The following ERBB4 variants were observed in gnomAD, a reference collection of about 807,000 sequenced individuals.
The protein encoded by ERBB4 is receptor tyrosine-protein kinase erbB-4.
A neutral mutation model predicts 158.0 loss-of-function variants in ERBB4; 42 were observed. The observed-to-expected ratio is 0.27, with a 90% CI of 0.21 to 0.34. ERBB4 has a LOEUF of 0.34. Ranked by LOEUF, ERBB4 falls within the 10% of genes least tolerant of loss-of-function variation. The pLI, the probability that ERBB4 is intolerant of heterozygous loss-of-function variation, is 1.00. For missense variants in ERBB4, 1,333 were observed against 1,624.1 expected, an observed-to-expected ratio of 0.82 and a Z score of 3.08; for synonymous variants, 583 against 558.7, an observed-to-expected ratio of 1.04 and a Z score of -0.61.
chr2:212,304,395 A>G (rs937416826), intron 1 of ERBB4, among the ~76,000 whole-genome samples: 7 of 151,568 alleles, frequency 4.6e-5, no homozygotes, highest in Non-Finnish European at 7.4e-5. Context: ...TCCACACACT[A>G]AAGTCAACAT....
At chr2:211,700,833 T>A (rs1334025826) in intron 12 of ERBB4, among the ~76,000 whole-genome samples, 1 of 152,148 alleles carries the variant, frequency 6.6e-6, no homozygotes, top group Admixed American at 6.5e-5. Flanking sequence ...GGTTCTGCCT[T>A]TTAGAATGGA....
chr2:212,393,737 C>T (rs1049360470), intron 1 of ERBB4, among the ~76,000 whole-genome samples: 1 of 152,022 alleles, frequency 6.6e-6, no homozygotes, highest in Non-Finnish European at 1.5e-5. Flanking sequence ...TCAAAAATTT[C>T]CCTAAAAATG....
At chr2:211,660,663 T>C (rs2071392664) in intron 15 of ERBB4, among the ~76,000 whole-genome samples, 1 of 152,068 alleles carries the variant, frequency 6.6e-6, no homozygotes, top group Admixed American at 6.6e-5. Context: ...AAGGCATGAG[T>C]ATAATGATCA....
At chr2:211,408,989 C>T (rs908665341) in intron 25 of ERBB4, among the ~76,000 whole-genome samples, 7 of 152,172 alleles carry the variant, frequency 4.6e-5, no homozygotes, top group African/African-American at 1.7e-4. Context: ...AATAGTACTT[C>T]GTAGTCTAGA....
At chr2:211,680,142 GTGTTATCTCTA>G (rs1380075743) in intron 12 of ERBB4, among the ~76,000 whole-genome samples, 2 of 152,260 alleles carry the variant, frequency 1.3e-5, no homozygotes, top group African/African-American at 2.4e-5. Flanking sequence ...ATAGTCTTTA[GTGTTATCTCTA>G]TGTTATCTCT....
chr2:212,351,462 T>C (rs2089248851), intron 1 of ERBB4, among the ~76,000 whole-genome samples: 1 of 152,186 alleles, frequency 6.6e-6, no homozygotes, highest in Non-Finnish European at 1.5e-5. Flanking sequence ...AATGAATTTC[T>C]GAGTTGCTTC....
intron 1 of ERBB4, among the ~76,000 whole-genome samples, chr2:212,267,010 G>A (rs921095077): frequency 4.0e-5 from 6 of 151,898 alleles, no homozygotes; most frequent in East Asian, 1.9e-4. Flanking sequence ...TTTGAAATCT[G>A]AATTGAGCAG....
intron 1 of ERBB4, among the ~76,000 whole-genome samples, chr2:212,422,893 C>G (rs1202399860): frequency 6.6e-6 from 1 of 152,134 alleles, no homozygotes; most frequent in Non-Finnish European, 1.5e-5. Flanking sequence ...TCCTTTCAGA[C>G]CTTACATCAT....
chr2:212,288,590 C>T (rs2086089956), intron 1 of ERBB4, among the ~76,000 whole-genome samples: 1 of 152,132 alleles, frequency 6.6e-6, no homozygotes, highest in Non-Finnish European at 1.5e-5. Flanking sequence ...AGGTGGAAAA[C>T]TGGCTAGCCG....
intron 3 of ERBB4, among the ~76,000 whole-genome samples, chr2:211,896,425 G>C (rs1171264443): frequency 6.6e-6 from 1 of 152,036 alleles, no homozygotes; most frequent in Non-Finnish European, 1.5e-5. Flanking sequence ...TCTTTTCCCT[G>C]TAAAGTAGAG....
At chr2:212,408,382 G>A (rs2091408851) in intron 1 of ERBB4, among the ~76,000 whole-genome samples, 1 of 152,046 alleles carries the variant, frequency 6.6e-6, no homozygotes, top group Non-Finnish European at 1.5e-5. Flanking sequence ...TGAGGATAAT[G>A]GCTATTATTT....
intron 20 of ERBB4, among the ~76,000 whole-genome samples, chr2:211,434,580 T>G (rs1178747317): frequency 1.3e-5 from 2 of 152,184 alleles, no homozygotes; most frequent in African/African-American, 4.8e-5. Flanking sequence ...CTGCACAGAC[T>G]GACACTCTAA....
chr2:212,067,829 C>G (rs977630980), intron 2 of ERBB4, among the ~76,000 whole-genome samples: 12 of 152,094 alleles, frequency 7.9e-5, no homozygotes, highest in African/African-American at 2.4e-4. Flanking sequence ...ATAAGTAGTT[C>G]CTGCGGGTAA....
intron 3 of ERBB4, among the ~76,000 whole-genome samples, chr2:211,916,660 A>G (rs2079700431): frequency 6.6e-6 from 1 of 152,140 alleles, no homozygotes; most frequent in East Asian, 1.9e-4. Context: ...GTCTGATTTA[A>G]ATTAAATATT....
In ERBB4 at chr2:211,387,118, A is replaced by G. The variant is rs776643311; in HGVS notation, c.3216T>C (p.Ala1072=). 6.2e-7 allele frequency: 1 copy of G among 1,613,924 alleles called. No homozygotes were observed. The highest frequency in any genetic ancestry group is 8.5e-7 in the Non-Finnish European group (1 of 1,179,900). ...AGGGCACAGACACTCCTTGTTCAGC[A>G]GCAAAACCTCCATCTCGGTATACAA... ...NQFVYRDGGF[A]AEQGVSVPYR... Residue 1072 remains alanine (A), a synonymous_variant, in exon 27 of 28, where the codon GCT becomes GCC. Coordinates refer to ENST00000342788, the MANE Select transcript of ERBB4 (RefSeq NM_005235.3).
chr2:211,435,826 G>C (rs2063839597), intron 20 of ERBB4, among the ~76,000 whole-genome samples: 2 of 152,236 alleles, frequency 1.3e-5, no homozygotes. Flanking sequence ...ATGCATGGTA[G>C]AAGTTGGATT....
intron 1 of ERBB4, among the ~76,000 whole-genome samples, chr2:212,382,660 C>A (rs2090547071): frequency 6.6e-6 from 1 of 151,090 alleles, no homozygotes. Context: ...GAGACAGACA[C>A]TTCCAAAGTG....
At chr2:211,961,720 A>T (rs751069257) in intron 2 of ERBB4, among the ~76,000 whole-genome samples, 4 of 152,172 alleles carry the variant, frequency 2.6e-5, no homozygotes, top group Non-Finnish European at 5.9e-5. Context: ...AGTACAAAAG[A>T]CAGAGAAACA....
At chr2:211,396,402 G>A (rs2062919020) in intron 25 of ERBB4, among the ~76,000 whole-genome samples, 1 of 151,902 alleles carries the variant, frequency 6.6e-6, no homozygotes, top group South Asian at 2.1e-4. Context: ...ATGTATAAGA[G>A]TTCTACTTAG....
Sources: gnomAD v4.1 joint callset for allele counts (sites outside exome capture counted in the v4.1 genomes callset) on GRCh38, gnomAD v4.1.1 for gene constraint, MANE v1.5 for transcripts, NCBI Gene and HGNC (gene_info 2026-07-23, HGNC 2026-07-21) for gene names.